The following ZNF587 variants were observed in gnomAD, a reference collection of about 807,000 sequenced individuals.
ZNF587 encodes the protein zinc finger protein zfp6.
A neutral mutation model predicts 7.5 loss-of-function variants in ZNF587; 8 were observed. The observed-to-expected ratio is 1.06, with a 90% CI of 0.62 to 1.92. ZNF587 has a LOEUF of 1.92. Ranked by LOEUF, ZNF587 falls within the 40% of genes most tolerant of loss-of-function variation. The pLI is 0.00. For synonymous variants in ZNF587, 145 were observed against 237.8 expected, an observed-to-expected ratio of 0.61 and a Z score of 3.59; for missense variants, 468 against 692.8, an observed-to-expected ratio of 0.68 and a Z score of 3.64.
In ZNF587 at chr19:57,858,423, A is replaced by G. The variant is rs1480624660; in HGVS notation, c.164-153A>G. ...ATTACAGGTGTGAGCCACCATGCCC[A>G]GCCAGCAGCCCCATCTTCAACTTGA... is the stretch of plus-strand genomic sequence containing the variant. On this transcript the variant is annotated intron_variant, in intron 2 of 2. Coordinates refer to ENST00000339656, the MANE Select transcript of ZNF587 (RefSeq NM_032828.4). 4.8e-5 allele frequency: 69 copies of G among 1,449,300 alleles called. No homozygotes were observed. In the East Asian group the frequency reaches 1.1e-3, roughly 23 times the overall value. The allele number at this position is 1,449,300 out of a possible 1,614,324, so 89.8% of individuals were successfully genotyped here.
At position 57,860,260 on chromosome 19, in the gene ZNF587, G is replaced by C. The variant is rs550928604; in HGVS notation, c.*120G>C. ...TGTGGAAAACATCAGAATGTCTGCT[G>C]TCCTCGGTCTTAAGCGACTTCGTGT... On this transcript the variant is annotated 3_prime_UTR_variant, in exon 3 of 3. Transcript: ENST00000339656. 4.6e-5 allele frequency: 73 copies of C among 1,574,196 alleles called. No homozygotes were observed. Among genetic ancestry groups the C allele is most frequent in the African/African-American group, 4.1e-4 (30 of 73,900 alleles).
At position 57,858,535 on chromosome 19, in the gene ZNF587, C is replaced by T. The variant is rs547823516; in HGVS notation, c.164-41C>T. ...TTGTGGGTGGGCTGTGCCTTCCCGCCGGAGGTACTTTGCACTTGACCAGCA... is the reference window on the plus strand; with the variant it reads ...TTGTGGGTGGGCTGTGCCTTCCCGCTGGAGGTACTTTGCACTTGACCAGCA... On this transcript the variant is annotated intron_variant, in intron 2 of 2. Transcript: ENST00000339656. 79 of 1,587,068 alleles carry T rather than the reference C, an allele frequency of 5.0e-5. 1 individual carries two copies. In the South Asian group the frequency reaches 5.0e-4, roughly 10 times the overall value.
rs1049132616 is a variant in ZNF587, at chr19:57,851,956, CAGGGAGTCCTGAGCTT to C, written c.33+1887_33+1902del. The C allele has an allele frequency of 8.6e-5, 15 of 173,822 alleles. No homozygotes were observed. The Admixed American group carries it at 9.5e-4, about 11-fold the overall frequency. The allele number at this position is 173,822 out of a possible 1,614,324, so 10.8% of individuals were successfully genotyped here. On this transcript the variant is annotated intron_variant, in intron 1 of 2. Transcript: ENST00000339656. ...CTGGTTCCAGGGACAAGAAAGGGTT[CAGGGAGTCCTGAGCTT>C]ATCAAATCCTGTGACATGTTTGTAA...
Position 57,863,535 on chromosome 19 carries a change from C to T in ZNF587, c.*3395C>T, listed in dbSNP as rs545341638. ...AAGTGCTGGGATTATAGGCGTGAGC[C>T]AACACGCCCTGGCCACTTCTTGTCT... On this transcript the variant is annotated 3_prime_UTR_variant, in exon 3 of 3. Coordinates refer to ENST00000339656, the MANE Select transcript of ZNF587 (RefSeq NM_032828.4). 1.3e-5 allele frequency: 2 copies of T among 152,288 alleles called. No homozygotes were observed. Among genetic ancestry groups the T allele is most frequent in the East Asian group, 1.9e-4 (1 of 5,158 alleles). 9.4% of individuals were successfully genotyped at this position (152,288 alleles called of 1,614,324 possible).
intron 1 of ZNF587, chr19:57,850,367 C>G (rs1164174994): frequency 5.1e-6 from 3 of 593,138 alleles, no homozygotes; most frequent in African/African-American, 3.7e-5. Flanking sequence ...CCTGAGCATT[C>G]TGGGATCAGA....
At chr19:57,854,216 G>A (rs1056740497) in intron 1 of ZNF587, 16 of 152,196 alleles carry the variant, frequency 1.1e-4, no homozygotes, top group South Asian at 4.1e-4. Context: ...GGCTTTAAAC[G>A]GCATTAGGTG....
chr19:57,852,426 AG>A, intron 1 of ZNF587: 1 of 398,770 alleles, frequency 2.5e-6, no homozygotes, highest in Non-Finnish European at 4.4e-6. Flanking sequence ...GTCAGAGATA[AG>A]GCTCCTGCCA....
In ZNF587 at chr19:57,854,627, G is replaced by A. The variant is rs374787126; in HGVS notation, c.34-1477G>A. ...TCAAGGTGATAAGGCAGGGTTCCAG[G>A]TTGTTATATTTTGTGGTGGGTTTCA... On this transcript the variant is annotated intron_variant, in intron 1 of 2. Transcript: ENST00000339656. Among the ~76,000 whole-genome samples, 6 of 151,612 alleles carry A rather than the reference G, an allele frequency of 4.0e-5. No individual in the cohort carries two copies. In the East Asian group the frequency reaches 1.2e-3, roughly 29 times the overall value.
rs1936477042 is a variant in ZNF587 at position 57,864,409 on chromosome 19, G to A, written c.*4269G>A. On this transcript the variant is annotated 3_prime_UTR_variant, in exon 3 of 3. Coordinates refer to ENST00000339656, the MANE Select transcript of ZNF587 (RefSeq NM_032828.4). ...GGCCTCCTAAAGTGCTGGGATTACA[G>A]GCATCTGCCACCGCACTCGGCTTAT... The A allele has an allele frequency of 6.6e-6, 1 of 151,910 alleles. No homozygotes were observed. The highest frequency in any genetic ancestry group is 6.6e-5 in the Admixed American group (1 of 15,236). The allele number at this position is 151,910 out of a possible 1,614,324, so 9.4% of individuals were successfully genotyped here.
chr19:57,864,471 C>CT lies in ZNF587; in HGVS notation c.*4332dup, dbSNP rs1416077765. ...CTATGATAGCATGATGTATAGGCAC[C>CT]TAAAGGCATGGCACTTGAGAAATGT... On this transcript the variant is annotated 3_prime_UTR_variant, in exon 3 of 3. Transcript: ENST00000339656. The CT allele has an allele frequency of 2.6e-5, 4 of 152,026 alleles. No homozygotes were observed. The highest frequency in any genetic ancestry group is 2.0e-4 in the Admixed American group (3 of 15,266). 9.4% of individuals were successfully genotyped at this position (152,026 alleles called of 1,614,324 possible). A position where few individuals can be genotyped will look rare whatever the true frequency, so the allele number is the denominator to read the frequency against.
At chr19:57,854,336 C>T (rs1600120095) in intron 1 of ZNF587, among the ~76,000 whole-genome samples, 1 of 151,720 alleles carries the variant, frequency 6.6e-6, no homozygotes, top group Admixed American at 6.6e-5. Flanking sequence ...TGGAGTCATT[C>T]CAGGAGACGT....
chr19:57,852,067 G>T (rs2071287735), intron 1 of ZNF587: 2 of 333,292 alleles, frequency 6.0e-6, no homozygotes, highest in Non-Finnish European at 1.1e-5. Flanking sequence ...GAAGTGGAGG[G>T]TGTTCCATTC....
rs776895106 is a variant in ZNF587 at position 57,856,235 on chromosome 19, T to C, written c.163+2T>C. ...ACCTGGCTCTCATATCCTCGCTGGG[T>C]AAGTTGCTCACGCTCACCTTTGTGA... On this transcript the variant is annotated splice_donor_variant, in intron 2 of 2. Transcript: ENST00000339656. LOFTEE classifies it high-confidence loss of function. 2.5e-6 allele frequency: 4 copies of C among 1,570,780 alleles called. No homozygotes were observed. The Admixed American group carries it at 5.6e-5, about 22-fold the overall frequency.
Position 57,859,402 on chromosome 19 carries a change from G to C in ZNF587, c.990G>C (p.Gly330=). The part of the protein sequence containing the change: ...GEGPYECREC[G]KSFGQKGNLI... Reference sequence around the variant, plus strand: ...GGCCTTATGAGTGTAGAGAATGTGGGAAATCTTTTGGTCAAAAGGGTAACC... The same window carrying C: ...GGCCTTATGAGTGTAGAGAATGTGGCAAATCTTTTGGTCAAAAGGGTAACC... Residue 330 remains glycine (G), a synonymous_variant, in exon 3 of 3, where the codon GGG becomes GGC. Coordinates refer to ENST00000339656, the MANE Select transcript of ZNF587 (RefSeq NM_032828.4). 6.2e-7 allele frequency: 1 copy of C among 1,608,896 alleles called. No homozygotes were observed. Among genetic ancestry groups the C allele is most frequent in the Non-Finnish European group, 8.5e-7 (1 of 1,179,782 alleles).
At chr19:57,850,527 C>G in intron 1 of ZNF587, 1 of 461,904 alleles carries the variant, frequency 2.2e-6, no homozygotes. Context: ...GATTACCGGT[C>G]TGTGTGTTGT....
At chr19:57,858,317 G>T (rs926856277) in intron 2 of ZNF587, 2 of 539,984 alleles carry the variant, frequency 3.7e-6, no homozygotes, top group East Asian at 4.0e-5. Flanking sequence ...AGTAGAGATG[G>T]GGTTTCACCA....
In ZNF587 at chr19:57,861,174, A is replaced by G. The variant is rs914201115; in HGVS notation, c.*1034A>G. ...ACAACTTTTTAAGCAATGCCAAACT[A>G]TGACTTAAGAATGAAATTATTGCTC... On this transcript the variant is annotated 3_prime_UTR_variant, in exon 3 of 3. Transcript: ENST00000339656. 1.2e-4 allele frequency: 19 copies of G among 152,130 alleles called. No individual in the cohort carries two copies. The highest frequency in any genetic ancestry group is 4.6e-4 in the African/African-American group (19 of 41,420). 9.4% of individuals were successfully genotyped at this position (152,130 alleles called of 1,614,324 possible).
intron 1 of ZNF587, among the ~76,000 whole-genome samples, chr19:57,855,557 CTTTTT>C (rs1025898932): frequency 6.9e-6 from 1 of 144,796 alleles, no homozygotes; most frequent in South Asian, 2.2e-4. Context: ...GGGGTGTGGG[CTTTTT>C]TTGTTTTTTT....
chr19:57,858,190 A>G lies in ZNF587; in HGVS notation c.164-386A>G, dbSNP rs1316063391. On this transcript the variant is annotated intron_variant, in intron 2 of 2. Coordinates refer to ENST00000339656, the MANE Select transcript of ZNF587 (RefSeq NM_032828.4). ...GTCCAGGCTGGGGTGCAGTGGCGTA[A>G]TCACTGCTCACTACAAACCTCTGCC... 1.6e-5 allele frequency: 3 copies of G among 187,160 alleles called. No individual in the cohort carries two copies. The Admixed American group carries it at 1.7e-4, about 10-fold the overall frequency. 11.6% of individuals were successfully genotyped at this position (187,160 alleles called of 1,614,324 possible).
Sources: gnomAD v4.1 joint callset for allele counts (sites outside exome capture counted in the v4.1 genomes callset) on GRCh38, gnomAD v4.1.1 for gene constraint, MANE v1.5 for transcripts, NCBI Gene and HGNC (gene_info 2026-07-23, HGNC 2026-07-21) for gene names.